PTK2: variants seen among roughly 807,000 people sequenced by gnomAD.
PTK2 encodes the protein focal adhesion kinase 1.
Under a neutral mutation model 150.1 loss-of-function variants are expected in PTK2, and 45 were observed. The observed-to-expected ratio is 0.30, with a 90% confidence interval of 0.24 to 0.38. The LOEUF is 0.38. Ranked by LOEUF, PTK2 falls within the 10% of genes least tolerant of loss-of-function variation. The probability of loss-of-function intolerance (pLI) is 1.00; values close to 1 mark genes in which losing one functional copy is unlikely to be tolerated. For synonymous variants in PTK2, 432 were observed against 449.2 expected, an observed-to-expected ratio of 0.96 and a Z score of 0.48; for missense variants, 919 against 1,307.3, an observed-to-expected ratio of 0.70 and a Z score of 4.58.
intron 14 of PTK2, 84 bp from the exon 15 acceptor site, chr8:140,770,883 C>T: frequency 3.7e-6 from 2 of 543,244 alleles, no homozygotes; most frequent in Non-Finnish European, 2.6e-6. Context: ...CATTTAAAGG[C>T]TTATCTATAA....
At chr8:140,725,662 T>C (rs1425322135) in intron 22 of PTK2, among the ~76,000 whole-genome samples, 3 of 152,200 alleles carry the variant, frequency 2.0e-5, no homozygotes, top group African/African-American at 7.2e-5. Context: ...ATTCTGAGTA[T>C]ATATTCTGCA....
At chr8:140,749,594 C>T (rs999668404) in intron 17 of PTK2, among the ~76,000 whole-genome samples, 1 of 152,208 alleles carries the variant, frequency 6.6e-6, no homozygotes, top group African/African-American at 2.4e-5. Flanking sequence ...CATATTCTTG[C>T]TCATTCTTTT....
At chr8:140,873,183 T>C (rs1316044465) in intron 4 of PTK2, among the ~76,000 whole-genome samples, 2 of 152,224 alleles carry the variant, frequency 1.3e-5, no homozygotes, top group Non-Finnish European at 2.9e-5. Flanking sequence ...TTCAAGAGAA[T>C]GCCAAGCTGG....
intron 3 of PTK2, among the ~76,000 whole-genome samples, chr8:140,880,870 G>T (rs2100148718): frequency 6.6e-6 from 1 of 152,190 alleles, no homozygotes; most frequent in Non-Finnish European, 1.5e-5. Flanking sequence ...TACCTGGCAT[G>T]TGGCAGACCT....
rs57247522 is a variant in PTK2 at position 140,670,488 on chromosome 8, AACACACACACACAC to A, written c.2710-2078_2710-2065del. 6.5e-3 allele frequency among the ~76,000 whole-genome samples: 255 copies of A among 38,978 alleles called. 41 individuals carry two copies. Among genetic ancestry groups the A allele is most frequent in the South Asian group, 0.017 (15 of 894 alleles). The allele number at this position is 38,978 out of a possible 152,430, so 25.6% of individuals were successfully genotyped here. Reference sequence around the variant, plus strand: ...AAAAAAAAAAAAAAAAAAAAACAACAACACACACACACACACACACACACACACACACACACACA... The same window carrying A: ...AAAAAAAAAAAAAAAAAAAAACAACAACACACACACACACACACACACACA... On this transcript the variant is annotated intron_variant, in intron 29 of 31. Coordinates refer to ENST00000522684, the Ensembl canonical transcript of PTK2.
chr8:140,846,364 A>G (rs770031101), intron 6 of PTK2, 42 bp from the exon 7 acceptor site: 17 of 1,576,602 alleles, frequency 1.1e-5, no homozygotes, highest in Non-Finnish European at 1.4e-5. Context: ...ATATATAAGG[A>G]ATGTTTGTGT....
chr8:140,702,804 G>A, intron 24 of PTK2, 97 bp from the exon 28 acceptor site: 2 of 1,357,924 alleles, frequency 1.5e-6, no homozygotes. Flanking sequence ...AGAATATTGT[G>A]GTAGGCAGAA....
intron 11 of PTK2, among the ~76,000 whole-genome samples, 175 bp from the exon 12 acceptor site, chr8:140,800,751 T>C (rs563945601): frequency 1.3e-5 from 2 of 152,344 alleles, no homozygotes; most frequent in African/African-American, 2.4e-5. Context: ...ACATTATTCC[T>C]AGAATATGTG....
In PTK2 at chr8:140,706,248, T is replaced by C. The variant is rs1224199371; in HGVS notation, c.2143-43A>G. On this transcript the variant is annotated intron_variant, in intron 23 of 31. Transcript: ENST00000522684. ...CATCATATGAATGAACCTTTTGATT[T>C]TGACAAACCTGTACTTTATGAATCG... The C allele has an allele frequency of 3.5e-6, 5 of 1,429,662 alleles. No individual in the cohort carries two copies. The South Asian group carries it at 4.6e-5, about 13-fold the overall frequency. The allele number at this position is 1,429,662 out of a possible 1,614,324, so 88.6% of individuals were successfully genotyped here. A position where few individuals can be genotyped will look rare whatever the true frequency, so the allele number is the denominator to read the frequency against.
chr8:140,978,246 A>G (rs1424222134), intron 1 of PTK2, among the ~76,000 whole-genome samples: 6 of 152,276 alleles, frequency 3.9e-5, no homozygotes, highest in Admixed American at 1.3e-4. Flanking sequence ...AACAAAAGCC[A>G]AAACAGACAA....
chr8:140,988,141 C>T (rs576394850), intron 1 of PTK2, among the ~76,000 whole-genome samples: 23 of 151,954 alleles, frequency 1.5e-4, no homozygotes, highest in Non-Finnish European at 2.4e-4. Context: ...AAAGTCTACA[C>T]CCATACAAAG....
At chr8:140,922,916 G>A (rs1206782688) in intron 2 of PTK2, among the ~76,000 whole-genome samples, 1 of 152,148 alleles carries the variant, frequency 6.6e-6, no homozygotes, top group African/African-American at 2.4e-5. Context: ...GACCAGGTGA[G>A]CAGGAGAGAG....
At chr8:140,867,045 G>A (rs1056751544) in intron 4 of PTK2, among the ~76,000 whole-genome samples, 3 of 152,188 alleles carry the variant, frequency 2.0e-5, no homozygotes, top group Admixed American at 6.5e-5. Context: ...GGATGCTTGG[G>A]AAGGCAAGTG....
At chr8:140,839,612 C>T (rs532557805) in intron 7 of PTK2, among the ~76,000 whole-genome samples, 2 of 151,790 alleles carry the variant, frequency 1.3e-5, no homozygotes, top group East Asian at 1.9e-4. Context: ...CAATGAACAA[C>T]GTATGGCATA....
At chr8:140,859,140 A>C (rs2100134593) in intron 5 of PTK2, among the ~76,000 whole-genome samples, 2 of 152,210 alleles carry the variant, frequency 1.3e-5, no homozygotes, top group African/African-American at 4.8e-5. Context: ...AGTCTATGGG[A>C]GAACTTAAGG....
intron 1 of PTK2, among the ~76,000 whole-genome samples, chr8:140,954,551 T>C (rs2100180580): frequency 6.6e-6 from 1 of 151,588 alleles, no homozygotes; most frequent in African/African-American, 2.4e-5. Context: ...ACTACCTGTC[T>C]CAGAAAAAAA....
At chr8:140,886,211 TTGAC>T (rs2154607250) in intron 3 of PTK2, among the ~76,000 whole-genome samples, 1 of 152,272 alleles carries the variant, frequency 6.6e-6, no homozygotes, top group South Asian at 2.1e-4. Flanking sequence ...AGGTAACCCT[TTGAC>T]TGGAGCACTG....
rs61261890 is a variant in PTK2 at position 140,902,924 on chromosome 8, G to GTTT, written c.-32-12158_-32-12156dup. On this transcript the variant is annotated intron_variant, in intron 2 of 31. Coordinates refer to ENST00000522684, the Ensembl canonical transcript of PTK2. ...TTGCCTGTTCACTCTGATGAGAGTTGTTTTTTTTTTTTTTTTTTTTTTTTT... is the reference window on the plus strand; with the variant it reads ...TTGCCTGTTCACTCTGATGAGAGTTGTTTTTTTTTTTTTTTTTTTTTTTTTTTT... 1.4e-3 allele frequency among the ~76,000 whole-genome samples: 84 copies of GTTT among 58,932 alleles called. 4 individuals are homozygous for GTTT. The highest frequency in any genetic ancestry group is 1.7e-3 in the African/African-American group (34 of 20,522). The allele number at this position is 58,932 out of a possible 152,430, so 38.7% of individuals were successfully genotyped here. A position where few individuals can be genotyped will look rare whatever the true frequency, so the allele number is the denominator to read the frequency against.
intron 13 of PTK2, among the ~76,000 whole-genome samples, chr8:140,791,741 G>A (rs1052126299): frequency 2.0e-5 from 3 of 152,170 alleles, no homozygotes; most frequent in South Asian, 2.1e-4. Flanking sequence ...GCTTAGCAAC[G>A]AAAAGGGGGT....
Sources: allele counts gnomAD v4.1 joint callset (sites outside exome capture counted in the v4.1 genomes callset), GRCh38; gene constraint gnomAD v4.1.1; transcripts MANE v1.5; gene names NCBI Gene and HGNC (gene_info 2026-07-23, HGNC 2026-07-21).